The following SUCLG2 variants were observed in gnomAD, a reference collection of about 807,000 sequenced individuals.
SUCLG2 encodes the protein succinate-CoA ligase GDP-forming subunit beta, also known as succinate--CoA ligase [GDP-forming] subunit beta, mitochondrial.
Under a neutral mutation model 47.9 loss-of-function variants are expected in SUCLG2, and 42 were observed. The ratio of observed to expected loss-of-function variants is 0.88; its 90% CI spans 0.69 to 1.14. SUCLG2 has a LOEUF of 1.14. SUCLG2 is among the 50% of genes most tolerant of loss of function. SUCLG2 has a pLI of 0.00. For missense variants in SUCLG2, 571 were observed against 525.9 expected, an observed-to-expected ratio of 1.09 and a Z score of -0.84; for synonymous variants, 195 against 197.3, an observed-to-expected ratio of 0.99 and a Z score of 0.10.
chr3:67,512,809 C>T (rs902621303), intron 6 of SUCLG2, among the ~76,000 whole-genome samples: 2 of 150,502 alleles, frequency 1.3e-5, no homozygotes, highest in African/African-American at 5.0e-5. Context: ...CCTCTGGCAA[C>T]ATCATTCTAC....
intron 2 of SUCLG2, among the ~76,000 whole-genome samples, chr3:67,591,118 CAAGA>C (rs1708152137): frequency 1.3e-5 from 2 of 152,090 alleles, no homozygotes. Flanking sequence ...ATGAACTGAA[CAAGA>C]AATATACCCC....
In SUCLG2 at chr3:67,400,820, C is replaced by T; in HGVS notation, c.1094G>A (p.Gly365Asp). The T allele has an allele frequency of 1.2e-6, 2 of 1,612,442 alleles. No individual in the cohort carries two copies. The highest frequency in any genetic ancestry group is 1.7e-6 in the Non-Finnish European group (2 of 1,179,732). ...GGCAATGATGGCACAGTTGACGATA[C>T]CACCAAATATATTGACAAGGATGGC... ...VEAILVNIFG[G>D]IVNCAIIANG... Residue 365 changes from glycine (G) to aspartate (D), a missense_variant, in exon 10 of 11, where the codon GGT (glycine) becomes GAT (aspartate). Transcript: ENST00000307227.
chr3:67,463,477 T>C (rs975721920), intron 9 of SUCLG2, among the ~76,000 whole-genome samples: 5 of 152,222 alleles, frequency 3.3e-5, no homozygotes, highest in Admixed American at 1.3e-4. Context: ...GAAATTTATC[T>C]TTTAAAAAGG....
intron 2 of SUCLG2, among the ~76,000 whole-genome samples, chr3:67,607,969 A>G (rs1700454176): frequency 6.6e-6 from 1 of 152,202 alleles, no homozygotes; most frequent in South Asian, 2.1e-4. Flanking sequence ...AGTCTCAGGT[A>G]TGTCTTTATT....
chr3:67,529,058 A>G, intron 3 of SUCLG2, 29 bp downstream of exon 3: 1 of 1,576,056 alleles, frequency 6.3e-7, no homozygotes, highest in Non-Finnish European at 8.6e-7. Context: ...CTTGGCCAAA[A>G]GACAAGGAAT....
intron 10 of SUCLG2, among the ~76,000 whole-genome samples, chr3:67,396,774 TA>T (rs1253495784): frequency 1.3e-5 from 2 of 152,156 alleles, no homozygotes; most frequent in Non-Finnish European, 2.9e-5. Flanking sequence ...AAATCCTCAA[TA>T]AAATACTGGC....
chr3:67,383,729 C>T (rs1342124346), intron 10 of SUCLG2, among the ~76,000 whole-genome samples: 7 of 152,066 alleles, frequency 4.6e-5, no homozygotes, highest in African/African-American at 1.7e-4. Context: ...ATGCTACGTG[C>T]TTATGCTTTC....
chr3:67,589,632 C>A (rs1708105789), intron 2 of SUCLG2, among the ~76,000 whole-genome samples: 1 of 152,218 alleles, frequency 6.6e-6, no homozygotes, highest in Admixed American at 6.5e-5. Context: ...CGAAATGGCC[C>A]ATTGTGGGCC....
At chr3:67,535,767 T>C (rs559201096) in intron 2 of SUCLG2, among the ~76,000 whole-genome samples, 13 of 152,242 alleles carry the variant, frequency 8.5e-5, no homozygotes, top group Non-Finnish European at 1.9e-4. Flanking sequence ...TGGAGCCTCT[T>C]GCTAACATCT....
chr3:67,555,683 G>GT (rs1358635944), intron 2 of SUCLG2, among the ~76,000 whole-genome samples: 1 of 152,186 alleles, frequency 6.6e-6, no homozygotes, highest in Non-Finnish European at 1.5e-5. Context: ...ACAAGAATTC[G>GT]TAAGTCTTTG....
At chr3:67,559,331 G>A (rs1296862622) in intron 2 of SUCLG2, among the ~76,000 whole-genome samples, 1 of 152,172 alleles carries the variant, frequency 6.6e-6, no homozygotes, top group Non-Finnish European at 1.5e-5. Context: ...AAAGGAAAGA[G>A]GTTTAACTGA....
chr3:67,543,406 G>A (rs1291447595), intron 2 of SUCLG2, among the ~76,000 whole-genome samples: 3 of 152,162 alleles, frequency 2.0e-5, no homozygotes, highest in Admixed American at 6.5e-5. Context: ...TTGTGAGGCC[G>A]AGGCAGGTGG....
At chr3:67,625,326 C>T (rs753671485) in intron 1 of SUCLG2, among the ~76,000 whole-genome samples, 3 of 152,098 alleles carry the variant, frequency 2.0e-5, no homozygotes, top group Non-Finnish European at 4.4e-5. Context: ...AAATATCAAC[C>T]ACCATGACCT....
chr3:67,365,345 T>C (rs1194932553), intron 10 of SUCLG2, among the ~76,000 whole-genome samples: 2 of 152,228 alleles, frequency 1.3e-5, no homozygotes, highest in Non-Finnish European at 2.9e-5. Context: ...AGTATGACTA[T>C]GTAGGTTATG....
At chr3:67,583,558 C>T (rs1707934432) in intron 2 of SUCLG2, among the ~76,000 whole-genome samples, 1 of 152,220 alleles carries the variant, frequency 6.6e-6, no homozygotes, top group Admixed American at 6.5e-5. Flanking sequence ...TATTGTCTCA[C>T]AGTGTTTGCA....
At chr3:67,467,866 G>A (rs1463661845) in intron 9 of SUCLG2, among the ~76,000 whole-genome samples, 1 of 152,110 alleles carries the variant, frequency 6.6e-6, no homozygotes, top group Non-Finnish European at 1.5e-5. Flanking sequence ...AGGAAACAGA[G>A]CGGGAATTCC....
intron 9 of SUCLG2, among the ~76,000 whole-genome samples, chr3:67,449,667 G>A (rs927862797): frequency 1.3e-5 from 2 of 151,844 alleles, no homozygotes; most frequent in African/African-American, 4.8e-5. Flanking sequence ...CCAGGCTGGG[G>A]TGCAGTGGCG....
intron 2 of SUCLG2, among the ~76,000 whole-genome samples, chr3:67,599,010 C>T (rs187494357): frequency 3.9e-5 from 6 of 152,132 alleles, no homozygotes; most frequent in Admixed American, 3.9e-4. Context: ...ACTGGGAGAT[C>T]GTGACAATGA....
At position 67,375,553 on chromosome 3, in the gene SUCLG2, A is replaced by G; in HGVS notation, c.*191T>C. 2 of 1,374,760 alleles carry G rather than the reference A, an allele frequency of 1.5e-6. No homozygotes were observed. Among genetic ancestry groups the G allele is most frequent in the Non-Finnish European group, 1.9e-6 (2 of 1,066,320 alleles). 85.2% of individuals were successfully genotyped at this position (1,374,760 alleles called of 1,614,324 possible). A position where few individuals can be genotyped will look rare whatever the true frequency, so the allele number is the denominator to read the frequency against. ...TGAGAACACAAGATATTATTTTTATAAAGACCAAAATCAGATTTAGGCTGT... is the reference window on the plus strand; with the variant it reads ...TGAGAACACAAGATATTATTTTTATGAAGACCAAAATCAGATTTAGGCTGT... On this transcript the variant is annotated 3_prime_UTR_variant, in exon 11 of 11. Coordinates refer to ENST00000307227, the MANE Select transcript of SUCLG2 (RefSeq NM_003848.4).
Sources: gnomAD v4.1 joint callset for allele counts (sites outside exome capture counted in the v4.1 genomes callset) on GRCh38, gnomAD v4.1.1 for gene constraint, MANE v1.5 for transcripts, NCBI Gene and HGNC (gene_info 2026-07-23, HGNC 2026-07-21) for gene names.